The following TPBG variants were observed in gnomAD, a reference collection of about 807,000 sequenced individuals.
TPBG encodes trophoblast glycoprotein, also known as 5T4 oncofetal antigen.
TPBG carries 13 observed loss-of-function variants against 19.3 expected under a neutral mutation model. The observed-to-expected ratio is 0.67, with a 90% CI of 0.44 to 1.07. The LOEUF (loss-of-function observed/expected upper bound fraction) is 1.07. TPBG is among the 50% of genes least tolerant of loss of function. The pLI is 0.00. For synonymous variants in TPBG, 338 were observed against 259.8 expected (o/e 1.30, Z -2.89); for missense variants, 642 against 559.6 (o/e 1.15, Z -1.49).
chr6:82,365,889 A>C lies in TPBG; in HGVS notation c.928A>C (p.Lys310Gln). The C allele has an allele frequency of 1.2e-6, 2 of 1,614,156 alleles. No individual in the cohort carries two copies. Among genetic ancestry groups the C allele is most frequent in the South Asian group, 1.1e-5 (1 of 91,082 alleles). Residue 310 changes from lysine (K) to glutamine (Q), a missense_variant, in exon 2 of 2, where the codon AAG becomes CAG. Coordinates refer to ENST00000369750, the MANE Select transcript of TPBG (RefSeq NM_001376922.1). ...CHMADMVTWLKETEVVQGKDR... is the reference protein window; with the variant it reads ...CHMADMVTWLQETEVVQGKDR... ...CATGGCAGACATGGTGACCTGGCTC[A>C]AGGAAACAGAGGTAGTGCAGGGCAA...
Position 82,364,699 on chromosome 6 carries a change from GGGAGCA to G in TPBG, c.-257_-252del. 4.8e-6 allele frequency: 2 copies of G among 414,314 alleles called. No homozygotes were observed. The highest frequency in any genetic ancestry group is 8.4e-6 in the Non-Finnish European group (2 of 237,546). The allele number at this position is 414,314 out of a possible 1,614,324, so 25.7% of individuals were successfully genotyped here. On this transcript the variant is annotated 5_prime_UTR_variant, in exon 2 of 2. Coordinates refer to ENST00000369750, the MANE Select transcript of TPBG (RefSeq NM_001376922.1). ...CCAGGGCGGCGGCAGGAAGAGGAGCGGGAGCAGGAGCGCGGAGCGGAGCGTCCCGAC... is the reference window on the plus strand; with the variant it reads ...CCAGGGCGGCGGCAGGAAGAGGAGCGGGAGCGCGGAGCGGAGCGTCCCGAC...
Position 82,366,487 on chromosome 6 carries a change from C to T in TPBG, c.*263C>T. The stretch of plus-strand genomic sequence containing the variant: ...ACGTATGGAGGGATTTTTCAGGTTT[C>T]AGCATGAACATGGGCTTCTTGCTGT... On this transcript the variant is annotated 3_prime_UTR_variant, in exon 2 of 2. Transcript: ENST00000369750. 1 of 353,744 alleles carries T rather than the reference C, an allele frequency of 2.8e-6. No individual in the cohort carries two copies. Among genetic ancestry groups the T allele is most frequent in the Non-Finnish European group, 5.3e-6 (1 of 187,072 alleles). 21.9% of individuals were successfully genotyped at this position (353,744 alleles called of 1,614,324 possible).
rs1380465801 is a variant in TPBG at position 82,366,806 on chromosome 6, C to G, written c.*582C>G. 1 of 165,710 alleles carries G rather than the reference C, an allele frequency of 6.0e-6. No individual in the cohort carries two copies. Among genetic ancestry groups the G allele is most frequent in the Non-Finnish European group, 1.5e-5 (1 of 67,950 alleles). 10.3% of individuals were successfully genotyped at this position (165,710 alleles called of 1,614,324 possible). ...ACTTGCAACTTCATAACTTCTTTGA[C>G]AAAGTAAATTACTTTTTTGATTGCA... On this transcript the variant is annotated 3_prime_UTR_variant, in exon 2 of 2. Coordinates refer to ENST00000369750, the MANE Select transcript of TPBG (RefSeq NM_001376922.1).
chr6:82,364,877 G>A lies in TPBG; in HGVS notation c.-85G>A. The A allele has an allele frequency of 4.3e-6, 5 of 1,174,964 alleles. No homozygotes were observed. Among genetic ancestry groups the A allele is most frequent in the South Asian group, 2.2e-5 (1 of 45,262 alleles). 72.8% of individuals were successfully genotyped at this position (1,174,964 alleles called of 1,614,324 possible). On this transcript the variant is annotated 5_prime_UTR_variant, in exon 2 of 2. Transcript: ENST00000369750. ...AAGTTTTTTTTTTCCAGACGCTTCC[G>A]CCGGCTCGCGCCCTCCGGGCCCAGC...
At position 82,363,829 on chromosome 6, in the gene TPBG, G is replaced by C. The variant is rs892650132; in HGVS notation, c.-419G>C. 4 of 152,534 alleles carry C rather than the reference G, an allele frequency of 2.6e-5. No individual in the cohort carries two copies. The highest frequency in any genetic ancestry group is 5.9e-5 in the Non-Finnish European group (4 of 68,342). 9.4% of individuals were successfully genotyped at this position (152,534 alleles called of 1,614,324 possible). On this transcript the variant is annotated 5_prime_UTR_variant, in exon 1 of 2. Coordinates refer to ENST00000369750, the MANE Select transcript of TPBG (RefSeq NM_001376922.1). ...CAGGGGCTGGGGTGCGAAGAGAGTC[G>C]GCGCCCGCAACGCGGAGCCGGGAAG...
chr6:82,364,245 C>T (rs748103239), intron 1 of TPBG: 1 of 152,446 alleles, frequency 6.6e-6, no homozygotes, highest in African/African-American at 2.4e-5. Context: ...GGCGGAGACA[C>T]CCGGAGGCCG....
At position 82,366,312 on chromosome 6, in the gene TPBG, C is replaced by T. The variant is rs114848113; in HGVS notation, c.*88C>T. Reference sequence around the variant, plus strand: ...ACTAGGCTTGCTCCACTTTCATCCTCCACTATAGATACAACGGACTTTGAC... The same window carrying T: ...ACTAGGCTTGCTCCACTTTCATCCTTCACTATAGATACAACGGACTTTGAC... On this transcript the variant is annotated 3_prime_UTR_variant, in exon 2 of 2. Transcript: ENST00000369750. 7.1e-4 allele frequency: 1,015 copies of T among 1,431,290 alleles called. 10 individuals are homozygous for T. In the African/African-American group the frequency reaches 0.013, roughly 19 times the overall value. 88.7% of individuals were successfully genotyped at this position (1,431,290 alleles called of 1,614,324 possible). A position where few individuals can be genotyped will look rare whatever the true frequency, so the allele number is the denominator to read the frequency against.
rs779110756 is a variant in TPBG, at chr6:82,365,274, G to T, written c.313G>T (p.Val105Leu). 1.2e-5 allele frequency: 19 copies of T among 1,571,582 alleles called. No individual in the cohort carries two copies. The highest frequency in any genetic ancestry group is 1.6e-5 in the Non-Finnish European group (19 of 1,168,280). The change falls in exon 2 of 2, where the codon GTG becomes TTG. Residue 105 changes from valine (V) to leucine (L), a missense_variant. By Grantham distance (32) the Val-to-Leu change is conservative. Transcript: ENST00000369750. ...NLFLTGNQLAVLPAGAFARRP... is the reference protein window; with the variant it reads ...NLFLTGNQLALLPAGAFARRP... ...CTTCCTTACCGGCAACCAGCTGGCC[G>T]TGCTCCCTGCCGGCGCCTTCGCCCG...
At position 82,365,559 on chromosome 6, in the gene TPBG, GTGGCGGCCCTGC is replaced by G; in HGVS notation, c.605_616del (p.Ala202_Ala205del). On this transcript the variant is annotated inframe_deletion, in exon 2 of 2. Transcript: ENST00000369750. ...GAACCGGAGCTTCGAGGGCATGGTG[GTGGCGGCCCTGC>G]TGGCGGGCCGTGCACTGCAGGGGCT... The G allele has an allele frequency of 1.9e-6, 3 of 1,578,598 alleles. No individual in the cohort carries two copies. The highest frequency in any genetic ancestry group is 2.6e-6 in the Non-Finnish European group (3 of 1,163,666).
At position 82,365,742 on chromosome 6, in the gene TPBG, G is replaced by C. The variant is rs772327360; in HGVS notation, c.781G>C (p.Glu261Gln). Reference protein sequence around the residue: ...YVSFRNLTHLESLHLEDNALK... With the variant: ...YVSFRNLTHLQSLHLEDNALK... ...GTCCTTCCGCAACCTGACACATCTAGAAAGCCTCCACCTGGAGGACAATGC... is the reference window on the plus strand; with the variant it reads ...GTCCTTCCGCAACCTGACACATCTACAAAGCCTCCACCTGGAGGACAATGC... Residue 261 changes from glutamate (E) to glutamine (Q), a missense_variant, in exon 2 of 2, where the codon GAA becomes CAA. Physicochemically the swap from Glu to Gln is conservative, Grantham distance 29. Coordinates refer to ENST00000369750, the MANE Select transcript of TPBG (RefSeq NM_001376922.1). 1 of 1,613,750 alleles carries C rather than the reference G, an allele frequency of 6.2e-7. No individual in the cohort carries two copies. The highest frequency in any genetic ancestry group is 8.5e-7 in the Non-Finnish European group (1 of 1,179,886).
chr6:82,364,902 C>G lies in TPBG; in HGVS notation c.-60C>G. ...GCCGGCTCGCGCCCTCCGGGCCCAG[C>G]CTCCCGAGCCTTCGGAGCGGGCGCC... On this transcript the variant is annotated 5_prime_UTR_variant, in exon 2 of 2. Coordinates refer to ENST00000369750, the MANE Select transcript of TPBG (RefSeq NM_001376922.1). The G allele has an allele frequency of 7.6e-7, 1 of 1,322,726 alleles. No individual in the cohort carries two copies. The highest frequency in any genetic ancestry group is 1.6e-5 in the African/African-American group (1 of 64,428). The allele number at this position is 1,322,726 out of a possible 1,614,324, so 81.9% of individuals were successfully genotyped here.
At position 82,364,967 on chromosome 6, in the gene TPBG, TG is replaced by T; in HGVS notation, c.12del (p.Cys5AlafsTer17). The T allele has an allele frequency of 9.3e-6, 14 of 1,504,878 alleles. No individual in the cohort carries two copies. The highest frequency in any genetic ancestry group is 2.2e-5 in the Admixed American group (1 of 46,086). The allele number at this position is 1,504,878 out of a possible 1,614,324, so 93.2% of individuals were successfully genotyped here. On this transcript the variant is annotated frameshift_variant, in exon 2 of 2. Transcript: ENST00000369750. LOFTEE classifies it high-confidence loss of function. Reference sequence around the variant, plus strand: ...CCGGGGAAACGCGAGCCGCGATGCCTGGGGGGTGCTCCCGGGGCCCCGCCGC... The same window carrying T: ...CCGGGGAAACGCGAGCCGCGATGCCTGGGGGTGCTCCCGGGGCCCCGCCGC... MPGGCSRGPAAGD... is the reference protein window; with the variant it reads MPXGCSRGPAAGD...
In TPBG at chr6:82,366,835, T is replaced by G. The variant is rs1767516988; in HGVS notation, c.*611T>G. 6.0e-6 allele frequency: 1 copy of G among 166,894 alleles called. No individual in the cohort carries two copies. Among genetic ancestry groups the G allele is most frequent in the Admixed American group, 6.5e-5 (1 of 15,278 alleles). The allele number at this position is 166,894 out of a possible 1,614,324, so 10.3% of individuals were successfully genotyped here. ...GTAAATTACTTTTTTGATTGCAGTT[T>G]ATATGAAAATGTACTGATTTTTTTT... On this transcript the variant is annotated 3_prime_UTR_variant, in exon 2 of 2. Transcript: ENST00000369750.
At position 82,365,406 on chromosome 6, in the gene TPBG, C is replaced by T. The variant is rs558929435; in HGVS notation, c.445C>T (p.Leu149Phe). ...TCTGCCCAGCCTGCGCCAGCTCGAC[C>T]TCAGCCACAACCCACTGGCCGACCT... ...EHLPSLRQLD[L>F]SHNPLADLSP... Residue 149 changes from leucine to phenylalanine, a missense_variant, in exon 2 of 2, where the codon CTC becomes TTC. Physicochemically the swap from Leu to Phe is conservative, Grantham distance 22. Coordinates refer to ENST00000369750, the MANE Select transcript of TPBG (RefSeq NM_001376922.1). 1.2e-6 allele frequency: 2 copies of T among 1,605,268 alleles called. No individual in the cohort carries two copies. The highest frequency in any genetic ancestry group is 1.3e-5 in the African/African-American group (1 of 74,712).
Position 82,366,300 on chromosome 6 carries a change from C to A in TPBG, c.*76C>A. On this transcript the variant is annotated 3_prime_UTR_variant, in exon 2 of 2. Coordinates refer to ENST00000369750, the MANE Select transcript of TPBG (RefSeq NM_001376922.1). ...AGCTTTATCCCTACTAGGCTTGCTC[C>A]ACTTTCATCCTCCACTATAGATACA... 1 of 1,468,982 alleles carries A rather than the reference C, an allele frequency of 6.8e-7. No homozygotes were observed. The highest frequency in any genetic ancestry group is 2.3e-5 in the East Asian group (1 of 43,222). The allele number at this position is 1,468,982 out of a possible 1,614,324, so 91.0% of individuals were successfully genotyped here.
In TPBG at chr6:82,364,912, C is replaced by T. The variant is rs1582037137; in HGVS notation, c.-50C>T. ...GCCCTCCGGGCCCAGCCTCCCGAGC[C>T]TTCGGAGCGGGCGCCGTCCCAGCCC... On this transcript the variant is annotated 5_prime_UTR_variant, in exon 2 of 2. Transcript: ENST00000369750. The T allele has an allele frequency of 3.7e-6, 5 of 1,365,504 alleles. No homozygotes were observed. The highest frequency in any genetic ancestry group is 4.7e-6 in the Non-Finnish European group (5 of 1,055,078). The allele number at this position is 1,365,504 out of a possible 1,614,324, so 84.6% of individuals were successfully genotyped here. A position where few individuals can be genotyped will look rare whatever the true frequency, so the allele number is the denominator to read the frequency against.
chr6:82,364,805 T>C lies in TPBG; in HGVS notation c.-157T>C, dbSNP rs1020912567. ...GGGAAGCGCCCGGTGGCGAGGGGGT[T>C]AGCCAAGTTCCGGCTGCGGCGCCAC... On this transcript the variant is annotated 5_prime_UTR_variant, in exon 2 of 2. Coordinates refer to ENST00000369750, the MANE Select transcript of TPBG (RefSeq NM_001376922.1). 64 of 592,488 alleles carry C rather than the reference T, an allele frequency of 1.1e-4. No homozygotes were observed. The highest frequency in any genetic ancestry group is 2.1e-5 in the Non-Finnish European group (8 of 376,218). The allele number at this position is 592,488 out of a possible 1,614,324, so 36.7% of individuals were successfully genotyped here. A position where few individuals can be genotyped will look rare whatever the true frequency, so the allele number is the denominator to read the frequency against.
upstream of TPBG, among the ~76,000 whole-genome samples, chr6:82,363,029 G>T (rs1350497005): frequency 4.3e-5 from 6 of 138,734 alleles, no homozygotes; most frequent in East Asian, 1.5e-3. Context: ...TTGACACACC[G>T]CGCTACATCT....
At position 82,365,762 on chromosome 6, in the gene TPBG, C is replaced by A. The variant is rs1400090245; in HGVS notation, c.801C>A (p.Asp267Glu). ...LTHLESLHLE[D>E]NALKVLHNGT... ...ATCTAGAAAGCCTCCACCTGGAGGA[C>A]AATGCCCTCAAGGTCCTTCACAATG... Residue 267 changes from aspartate (D) to glutamate (E), a missense_variant, in exon 2 of 2, where the codon GAC becomes GAA. Asp to Glu is a conservative substitution (Grantham distance 45, BLOSUM62 2). Transcript: ENST00000369750. 6.2e-7 allele frequency: 1 copy of A among 1,614,136 alleles called. No individual in the cohort carries two copies. The highest frequency in any genetic ancestry group is 8.5e-7 in the Non-Finnish European group (1 of 1,179,998).
Sources: allele counts gnomAD v4.1 joint callset (sites outside exome capture counted in the v4.1 genomes callset), GRCh38; gene constraint gnomAD v4.1.1; transcripts MANE v1.5; gene names NCBI Gene and HGNC (gene_info 2026-07-23, HGNC 2026-07-21).